The following SMYD3 variants were observed in gnomAD, a reference collection of about 807,000 sequenced individuals.
The protein encoded by SMYD3 is SET and MYND domain containing 3, also known as histone-lysine N-methyltransferase SMYD3.
SMYD3 carries 36 observed loss-of-function variants against 57.7 expected under a neutral mutation model. The ratio of observed to expected loss-of-function variants is 0.62; its 90% CI spans 0.48 to 0.82. SMYD3 has a LOEUF of 0.82. Among genes scored for constraint, SMYD3 ranks in the 40% least tolerant of loss-of-function variants. The pLI, the probability that SMYD3 is intolerant of heterozygous loss-of-function variation, is 0.00. For synonymous variants in SMYD3, 211 were observed against 195.0 expected (o/e 1.08, Z -0.68); for missense variants, 515 against 538.8 (o/e 0.96, Z 0.44).
At chr1:246,009,831 A>G (rs1572886003) in intron 5 of SMYD3, among the ~76,000 whole-genome samples, 1 of 106,622 alleles carries the variant, frequency 9.4e-6, no homozygotes, top group Non-Finnish European at 1.8e-5. Context: ...TTTTTTTGAG[A>G]TGGAGTCTTG....
intron 5 of SMYD3, among the ~76,000 whole-genome samples, chr1:246,319,756 A>G (rs1414762241): frequency 6.6e-6 from 1 of 152,224 alleles, no homozygotes; most frequent in Non-Finnish European, 1.5e-5. Flanking sequence ...CAGTGTATCC[A>G]GAATGAGATG....
At chr1:245,794,785 T>A (rs1397357931) in intron 10 of SMYD3, among the ~76,000 whole-genome samples, 1 of 152,214 alleles carries the variant, frequency 6.6e-6, no homozygotes, top group East Asian at 1.9e-4. Flanking sequence ...TGGGTTTTTT[T>A]ATTTCAATGA....
chr1:245,779,918 G>A (rs1391702574), intron 10 of SMYD3, among the ~76,000 whole-genome samples: 1 of 152,152 alleles, frequency 6.6e-6, no homozygotes, highest in Non-Finnish European at 1.5e-5. Flanking sequence ...ATAAACACCT[G>A]AAACGATGCT....
At chr1:245,894,405 C>T (rs1307980377) in intron 8 of SMYD3, among the ~76,000 whole-genome samples, 4 of 152,102 alleles carry the variant, frequency 2.6e-5, no homozygotes, top group South Asian at 2.1e-4. Flanking sequence ...CAACCAGCAG[C>T]GGAAACCCGC....
chr1:246,027,861 G>A (rs1020874832), intron 5 of SMYD3, among the ~76,000 whole-genome samples: 1 of 152,152 alleles, frequency 6.6e-6, no homozygotes, highest in African/African-American at 2.4e-5. Context: ...TGATGGATCT[G>A]GGGACAGTAA....
intron 5 of SMYD3, among the ~76,000 whole-genome samples, chr1:246,032,495 G>A (rs564636272): frequency 6.6e-6 from 1 of 152,194 alleles, no homozygotes; most frequent in African/African-American, 2.4e-5. Flanking sequence ...GACAGAACGG[G>A]ATGGAGAGCT....
chr1:246,031,219 C>T (rs1231395336), intron 5 of SMYD3, among the ~76,000 whole-genome samples: 8 of 151,932 alleles, frequency 5.3e-5, no homozygotes, highest in Admixed American at 3.3e-4. Flanking sequence ...ACCATTGATA[C>T]GATAATCATT....
chr1:246,502,991 G>C (rs537567646), intron 1 of SMYD3, among the ~76,000 whole-genome samples: 21 of 152,224 alleles, frequency 1.4e-4, no homozygotes, highest in Middle Eastern at 3.4e-3. Flanking sequence ...CTGTGCTATA[G>C]GCCCGTGTTG....
chr1:245,893,191 A>C (rs1380370063), intron 8 of SMYD3, among the ~76,000 whole-genome samples: 2 of 152,366 alleles, frequency 1.3e-5, no homozygotes, highest in Non-Finnish European at 2.9e-5. Flanking sequence ...ATGAAAAACA[A>C]AAAGAAAATC....
At chr1:246,087,964 A>G (rs1409481398) in intron 5 of SMYD3, among the ~76,000 whole-genome samples, 1 of 152,126 alleles carries the variant, frequency 6.6e-6, no homozygotes, top group African/African-American at 2.4e-5. Context: ...CTTTCTAACT[A>G]AGCTTTTATT....
In SMYD3 at chr1:246,304,491, T is replaced by C. The variant is rs114276661; in HGVS notation, c.531+22710A>G. 8.4e-3 allele frequency among the ~76,000 whole-genome samples: 1,281 copies of C among 152,174 alleles called. 21 individuals carry two copies. Among genetic ancestry groups the C allele is most frequent in the African/African-American group, 0.029 (1,200 of 41,500 alleles). On this transcript the variant is annotated intron_variant, in intron 5 of 11. Transcript: ENST00000490107. The stretch of plus-strand genomic sequence containing the variant: ...AGTAAATGACCAGCAACTGAAAATA[T>C]GATAAAAATAGACTTCAATGAATAC...
rs2053186671 is a variant in SMYD3, at chr1:245,888,138, G to A, written c.814-24252C>T. 2.0e-5 allele frequency among the ~76,000 whole-genome samples: 3 copies of A among 152,292 alleles called. No individual in the cohort carries two copies. In the South Asian group the frequency reaches 6.2e-4, roughly 32 times the overall value. On this transcript the variant is annotated intron_variant, in intron 8 of 11. Transcript: ENST00000490107. Reference sequence around the variant, plus strand: ...CTAATGCTTCAGTCTCTTCTTACATGATAGACCTGTCATGGAGTCTCACCC... The same window carrying A: ...CTAATGCTTCAGTCTCTTCTTACATAATAGACCTGTCATGGAGTCTCACCC...
At chr1:246,032,515 G>A (rs892268504) in intron 5 of SMYD3, among the ~76,000 whole-genome samples, 3 of 152,182 alleles carry the variant, frequency 2.0e-5, no homozygotes, top group Non-Finnish European at 4.4e-5. Context: ...TCATATCCGA[G>A]TCCTGGCTCT....
At chr1:245,849,828 T>C (rs1277090772) in intron 10 of SMYD3, among the ~76,000 whole-genome samples, 2 of 152,088 alleles carry the variant, frequency 1.3e-5, no homozygotes, top group East Asian at 3.9e-4. Context: ...AATCTTCACA[T>C]TTTTAGTAGA....
intron 5 of SMYD3, among the ~76,000 whole-genome samples, chr1:246,056,249 C>T (rs1184125087): frequency 6.6e-6 from 1 of 151,998 alleles, no homozygotes; most frequent in African/African-American, 2.4e-5. Flanking sequence ...TATTTTATGC[C>T]TCTCCTCCCT....
At chr1:245,942,992 G>C (rs965742742) in intron 5 of SMYD3, among the ~76,000 whole-genome samples, 8 of 152,076 alleles carry the variant, frequency 5.3e-5, no homozygotes, top group African/African-American at 1.9e-4. Flanking sequence ...GCAGTGTTAA[G>C]AGGGGAATTT....
chr1:246,473,714 G>A (rs2103051357), intron 1 of SMYD3, among the ~76,000 whole-genome samples: 1 of 152,302 alleles, frequency 6.6e-6, no homozygotes, highest in Admixed American at 6.5e-5. Context: ...AAGAGAAGAG[G>A]CGGAACACAT....
At chr1:246,328,904 T>C (rs568998821) in intron 4 of SMYD3, among the ~76,000 whole-genome samples, 157 of 151,434 alleles carry the variant, frequency 1.0e-3, no homozygotes, top group African/African-American at 3.3e-3. Context: ...TGTGTTCTCA[T>C]TGTTCAATTC....
intron 10 of SMYD3, among the ~76,000 whole-genome samples, chr1:245,806,882 AATCCG>A (rs546843376): frequency 1.2e-3 from 170 of 137,822 alleles, no homozygotes; most frequent in East Asian, 5.3e-3. Context: ...TGCAGTCCGC[AATCCG>A]GCCTGGGCGA....
Sources: gnomAD v4.1 joint callset for allele counts (sites outside exome capture counted in the v4.1 genomes callset) on GRCh38, gnomAD v4.1.1 for gene constraint, MANE v1.5 for transcripts, NCBI Gene and HGNC (gene_info 2026-07-23, HGNC 2026-07-21) for gene names.